The following CCDC15 variants were observed in gnomAD, a reference collection of about 807,000 sequenced individuals.
CCDC15 encodes the protein coiled-coil domain-containing protein 15.
A neutral mutation model predicts 114.5 loss-of-function variants in CCDC15; 105 were observed. The ratio of observed to expected loss-of-function variants is 0.92; its 90% CI spans 0.78 to 1.08. The LOEUF is 1.08. Among genes scored for constraint, CCDC15 ranks in the 50% least tolerant of loss-of-function variants. CCDC15 has a pLI of 0.00. For synonymous variants in CCDC15, 334 were observed against 377.8 expected (o/e 0.88, Z 1.34); for missense variants, 1,105 against 1,093.6 (o/e 1.01, Z -0.15).
intron 3 of CCDC15, 113 bp downstream of exon 3, chr11:124,959,377 C>A: frequency 2.3e-6 from 2 of 870,192 alleles, no homozygotes; most frequent in South Asian, 2.0e-5. Flanking sequence ...CTAATATAAT[C>A]TAATTAACTA....
chr11:125,011,864 A>G (rs560936534), intron 13 of CCDC15, among the ~76,000 whole-genome samples: 2 of 152,308 alleles, frequency 1.3e-5, no homozygotes, highest in African/African-American at 2.4e-5. Flanking sequence ...CAAATTTGCA[A>G]TTCTTGAACT....
intron 13 of CCDC15, among the ~76,000 whole-genome samples, chr11:125,021,478 T>G (rs768664884): frequency 6.6e-6 from 1 of 151,862 alleles, no homozygotes; most frequent in Non-Finnish European, 1.5e-5. Context: ...CACAAATTAC[T>G]ATAATATCTA....
chr11:125,011,248 A>ATTATTT (rs1440220391), intron 13 of CCDC15, among the ~76,000 whole-genome samples: 2 of 147,212 alleles, frequency 1.4e-5, no homozygotes, highest in Non-Finnish European at 3.0e-5. Context: ...TATTATTATT[A>ATTATTT]TTTTTTAAGA....
intron 13 of CCDC15, among the ~76,000 whole-genome samples, chr11:125,035,183 G>A (rs1030455975): frequency 2.6e-5 from 4 of 152,068 alleles, no homozygotes; most frequent in African/African-American, 9.7e-5. Context: ...ATAAGATTGT[G>A]CCCACTCAGA....
chr11:125,005,186 A>T lies in CCDC15; in HGVS notation c.2385A>T (p.Gln795His), dbSNP rs1205530292. 1.3e-6 allele frequency: 2 copies of T among 1,530,452 alleles called. No individual in the cohort carries two copies. The highest frequency in any genetic ancestry group is 3.7e-5 in the Admixed American group (2 of 54,086). The allele number at this position is 1,530,452 out of a possible 1,614,324, so 94.8% of individuals were successfully genotyped here. Residue 795 changes from glutamine (Q) to histidine (H), a missense_variant, in exon 13 of 16, where the codon CAA becomes CAT. Physicochemically the swap from Gln to His is conservative, Grantham distance 24. Coordinates refer to ENST00000344762, the MANE Select transcript of CCDC15 (RefSeq NM_025004.3). ...EREQVKEQQR[Q>H]KEQKKKIEKI... ...AACAAGTTAAAGAACAACAAAGGCA[A>T]AAAGAACAAAAGAAGAAAATTGAAA... is the stretch of plus-strand genomic sequence containing the variant.
At chr11:124,982,939 A>G (rs1948095997) in intron 6 of CCDC15, among the ~76,000 whole-genome samples, 1 of 152,196 alleles carries the variant, frequency 6.6e-6, no homozygotes. Context: ...AATGAGTCAT[A>G]GATTTGGTCT....
At chr11:124,993,542 A>C (rs1377140849) in intron 11 of CCDC15, among the ~76,000 whole-genome samples, 1 of 152,120 alleles carries the variant, frequency 6.6e-6, no homozygotes, top group East Asian at 1.9e-4. Flanking sequence ...TTCAGTGTTT[A>C]TGTTGTCTTT....
rs896001974 is a variant in CCDC15, at chr11:124,966,187, G to T, written c.516+6184G>T. On this transcript the variant is annotated intron_variant, in intron 4 of 15. Coordinates refer to ENST00000344762, the MANE Select transcript of CCDC15 (RefSeq NM_025004.3). Reference sequence around the variant, plus strand: ...TGTTGCAGAGCTGAGTTCAAGTCCTGTATATCCTTGTTAACCTTCTCTCTC... The same window carrying T: ...TGTTGCAGAGCTGAGTTCAAGTCCTTTATATCCTTGTTAACCTTCTCTCTC... Among the ~76,000 whole-genome samples the T allele has an allele frequency of 2.0e-5, 3 of 152,308 alleles. No individual in the cohort carries two copies. The South Asian group carries it at 6.2e-4, about 32-fold the overall frequency.
chr11:125,018,437 A>C (rs1248282625), intron 13 of CCDC15, among the ~76,000 whole-genome samples: 4 of 151,016 alleles, frequency 2.6e-5, no homozygotes, highest in African/African-American at 9.8e-5. Context: ...AATTTTTTTA[A>C]AGAATATATC....
intron 8 of CCDC15, among the ~76,000 whole-genome samples, chr11:124,990,402 T>G (rs1948247544): frequency 6.6e-6 from 1 of 152,164 alleles, no homozygotes; most frequent in Non-Finnish European, 1.5e-5. Context: ...ATTTCCAAAA[T>G]GTGACACAGA....
intron 6 of CCDC15, among the ~76,000 whole-genome samples, chr11:124,986,014 A>G (rs1225331093): frequency 6.6e-6 from 1 of 152,094 alleles, no homozygotes; most frequent in Non-Finnish European, 1.5e-5. Context: ...TCTGTGATCC[A>G]TTTCGAGTTA....
chr11:124,962,448 C>T (rs891293803), intron 4 of CCDC15, among the ~76,000 whole-genome samples: 3 of 152,104 alleles, frequency 2.0e-5, no homozygotes, highest in Non-Finnish European at 2.9e-5. Flanking sequence ...TAGGGAGTTA[C>T]GGATGAAGCA....
intron 4 of CCDC15, among the ~76,000 whole-genome samples, chr11:124,965,734 G>A (rs1259962527): frequency 6.6e-6 from 1 of 152,102 alleles, no homozygotes; most frequent in Non-Finnish European, 1.5e-5. Flanking sequence ...TGTGATGTTA[G>A]GGTGACGATT....
intron 4 of CCDC15, among the ~76,000 whole-genome samples, chr11:124,963,255 C>G (rs554124575): frequency 1.3e-5 from 2 of 152,332 alleles, no homozygotes; most frequent in African/African-American, 4.8e-5. Context: ...TACAGTCCCA[C>G]CAACAGTGTA....
chr11:125,030,164 T>C (rs1948728339), intron 13 of CCDC15, among the ~76,000 whole-genome samples: 1 of 152,140 alleles, frequency 6.6e-6, no homozygotes, highest in Non-Finnish European at 1.5e-5. Flanking sequence ...TGGTGCTACT[T>C]CCACCCCTTG....
chr11:125,011,587 G>A (rs1386215116), intron 13 of CCDC15, among the ~76,000 whole-genome samples: 1 of 152,080 alleles, frequency 6.6e-6, no homozygotes, highest in South Asian at 2.1e-4. Context: ...GACTGCTGGT[G>A]TAGTAGCCAT....
intron 13 of CCDC15, among the ~76,000 whole-genome samples, chr11:125,008,783 C>T (rs1407808132): frequency 6.6e-6 from 1 of 151,732 alleles, no homozygotes; most frequent in East Asian, 2.0e-4. Flanking sequence ...ACCTCCGCCT[C>T]CCTGGTTCAA....
intron 13 of CCDC15, among the ~76,000 whole-genome samples, chr11:125,014,895 G>T (rs1429514695): frequency 6.6e-6 from 1 of 152,132 alleles, no homozygotes. Flanking sequence ...TTCCTTTCAA[G>T]TGCCCGTGGA....
rs573368353 is a variant in CCDC15 at position 124,988,409 on chromosome 11, C to G, written c.1908+275C>G. ...ACCTTAATTTAAAAATACTTTATTG[C>G]TAAAAAATGCTTACGATTATCTGAG... On this transcript the variant is annotated intron_variant, in intron 8 of 15. Coordinates refer to ENST00000344762, the MANE Select transcript of CCDC15 (RefSeq NM_025004.3). Among the ~76,000 whole-genome samples, 84 of 152,254 alleles carry G rather than the reference C, an allele frequency of 5.5e-4. 1 individual carries two copies. In the South Asian group the frequency reaches 7.7e-3, roughly 14 times the overall value.
Sources: gnomAD v4.1 joint callset for allele counts (sites outside exome capture counted in the v4.1 genomes callset) on GRCh38, gnomAD v4.1.1 for gene constraint, MANE v1.5 for transcripts, NCBI Gene and HGNC (gene_info 2026-07-23, HGNC 2026-07-21) for gene names.